The following APBA2 variants were observed in gnomAD, a reference collection of about 807,000 sequenced individuals.
The protein encoded by APBA2 is amyloid-beta A4 precursor protein-binding family A member 2.
Under a neutral mutation model 75.0 loss-of-function variants are expected in APBA2, and 30 were observed. The observed-to-expected ratio is 0.40, with a 90% CI of 0.30 to 0.54. APBA2 has a LOEUF of 0.54. Ranked by LOEUF, APBA2 falls within the 20% of genes least tolerant of loss-of-function variation. APBA2 has a pLI of 0.49. For synonymous variants in APBA2, 444 were observed against 409.6 expected (o/e 1.08, Z -1.01); for missense variants, 801 against 1,016.1 (o/e 0.79, Z 2.88).
At chr15:28,998,825 A>G (rs865878712) in intron 3 of APBA2, among the ~76,000 whole-genome samples, 11 of 152,240 alleles carry the variant, frequency 7.2e-5, no homozygotes, top group Admixed American at 4.6e-4. Flanking sequence ...CCTACCTCAC[A>G]GCACATGTAC....
chr15:28,892,250 G>T (rs551124166), intron 1 of APBA2, among the ~76,000 whole-genome samples: 224 of 152,068 alleles, frequency 1.5e-3, no homozygotes, highest in Admixed American at 2.6e-3. Context: ...AATTTTTTTG[G>T]ATTTTTAGTA....
chr15:28,889,678 T>C (rs2032001682), intron 1 of APBA2, among the ~76,000 whole-genome samples: 1 of 152,216 alleles, frequency 6.6e-6, no homozygotes. Flanking sequence ...TTCCCTCTTA[T>C]TCCTTGGTCC....
chr15:28,894,992 G>C (rs2032380792), intron 1 of APBA2, among the ~76,000 whole-genome samples: 1 of 152,170 alleles, frequency 6.6e-6, no homozygotes, highest in African/African-American at 2.4e-5. Context: ...TCTGTAGGAG[G>C]CGGCTGCTGC....
chr15:29,060,953 G>A (rs2042105521), intron 4 of APBA2, among the ~76,000 whole-genome samples: 1 of 152,120 alleles, frequency 6.6e-6, no homozygotes, highest in African/African-American at 2.4e-5. Flanking sequence ...CTGGTACCTG[G>A]CTCAGTCTCA....
intron 2 of APBA2, among the ~76,000 whole-genome samples, chr15:28,989,726 GC>G (rs1346312202): frequency 2.0e-5 from 3 of 152,208 alleles, no homozygotes; most frequent in African/African-American, 7.2e-5. Flanking sequence ...AGGCAAGCCA[GC>G]AGAGGCGGCC....
rs2045340298 is a variant in APBA2 at position 29,118,299 on chromosome 15, T to TGAA, written c.*1168_*1170dup. On this transcript the variant is annotated 3_prime_UTR_variant, in exon 15 of 15. Transcript: ENST00000683413. ...ACTTCGCGCATATCACTAATAAACC[T>TGAA]GAAGTCGTGATGAAAAGCCGTGTGT... 6.6e-6 allele frequency: 1 copy of TGAA among 152,460 alleles called. No homozygotes were observed. The highest frequency in any genetic ancestry group is 6.5e-5 in the Admixed American group (1 of 15,290). The allele number at this position is 152,460 out of a possible 1,614,324, so 9.4% of individuals were successfully genotyped here. A position where few individuals can be genotyped will look rare whatever the true frequency, so the allele number is the denominator to read the frequency against.
chr15:28,891,160 T>G (rs927306167), intron 1 of APBA2, among the ~76,000 whole-genome samples: 2 of 152,258 alleles, frequency 1.3e-5, no homozygotes, highest in African/African-American at 4.8e-5. Context: ...TGGGCAATTC[T>G]GTGTGTTGAG....
At chr15:28,952,152 G>A (rs764982050) in intron 2 of APBA2, among the ~76,000 whole-genome samples, 2 of 151,964 alleles carry the variant, frequency 1.3e-5, no homozygotes, top group Non-Finnish European at 2.9e-5. Context: ...CCATGACCAC[G>A]TGTCACATAG....
chr15:29,030,182 G>C (rs570138572), intron 3 of APBA2, among the ~76,000 whole-genome samples: 1 of 152,298 alleles, frequency 6.6e-6, no homozygotes, highest in Admixed American at 6.5e-5. Context: ...AAACATGACC[G>C]GGCCCGGTGG....
At chr15:28,996,853 G>A (rs2038553184) in intron 3 of APBA2, among the ~76,000 whole-genome samples, 1 of 152,174 alleles carries the variant, frequency 6.6e-6, no homozygotes. Flanking sequence ...ACCAAGGCAA[G>A]GAACACTTTG....
At chr15:28,987,729 G>T (rs8032000) in intron 2 of APBA2, among the ~76,000 whole-genome samples, 21,278 of 103,282 alleles carry the variant, frequency 0.21, 5,714 homozygotes, top group African/African-American at 0.68. Context: ...TGTGGAGAGA[G>T]ATATATATAT....
rs372298403 is a variant in APBA2 at position 29,114,010 on chromosome 15, C to A, written c.2172C>A (p.Val724=). ...EKIVQALSNS[V]GEIHMKTMPA... is the part of the protein sequence containing the mutation. The stretch of plus-strand genomic sequence containing the variant: ...TAGTCCAAGCTCTGTCCAACTCGGT[C>A]GGAGAGGTAAGGAGGGACTTTGAGT... The change falls in exon 14 of 15, where the codon GTC becomes GTA. Residue 724 remains valine, a synonymous_variant. Coordinates refer to ENST00000683413, the MANE Select transcript of APBA2 (RefSeq NM_001353788.2). The A allele has an allele frequency of 6.2e-7, 1 of 1,613,800 alleles. No individual in the cohort carries two copies. Among genetic ancestry groups the A allele is most frequent in the Non-Finnish European group, 8.5e-7 (1 of 1,180,034 alleles).
intron 2 of APBA2, among the ~76,000 whole-genome samples, chr15:28,926,855 C>CTTTTTTTT (rs201502989): frequency 1.5e-5 from 2 of 136,530 alleles, no homozygotes; most frequent in Admixed American, 7.2e-5. Flanking sequence ...CTCTCTCTCT[C>CTTTTTTTT]TCTTTTTTTT....
intron 6 of APBA2, among the ~76,000 whole-genome samples, chr15:29,082,563 C>A (rs547972437): frequency 5.9e-5 from 9 of 152,244 alleles, no homozygotes; most frequent in African/African-American, 2.2e-4. Flanking sequence ...TTGTATTATT[C>A]TTTACATATA....
chr15:29,075,686 A>G (rs1019313971), intron 5 of APBA2, among the ~76,000 whole-genome samples: 3 of 152,238 alleles, frequency 2.0e-5, no homozygotes, highest in African/African-American at 7.2e-5. Context: ...TTGATGAAAT[A>G]ACGATGGCCA....
At chr15:29,005,536 A>G (rs2039069439) in intron 3 of APBA2, among the ~76,000 whole-genome samples, 2 of 152,202 alleles carry the variant, frequency 1.3e-5, no homozygotes, top group South Asian at 4.1e-4. Flanking sequence ...TGCTGGGATT[A>G]CAGGCGTGAG....
intron 2 of APBA2, among the ~76,000 whole-genome samples, chr15:28,924,793 C>T (rs561341524): frequency 2.0e-5 from 3 of 152,202 alleles, no homozygotes; most frequent in Middle Eastern, 3.4e-3. Flanking sequence ...GGAATTGTTG[C>T]GTTCTGTGGT....
chr15:28,998,534 A>G (rs914694871), intron 3 of APBA2, among the ~76,000 whole-genome samples: 2 of 152,146 alleles, frequency 1.3e-5, no homozygotes, highest in Non-Finnish European at 2.9e-5. Context: ...ATTCCAAGCT[A>G]TGAGACATGA....
At chr15:28,890,357 A>G (rs187241253) in intron 1 of APBA2, among the ~76,000 whole-genome samples, 15 of 152,336 alleles carry the variant, frequency 9.8e-5, no homozygotes, top group South Asian at 2.1e-4. Flanking sequence ...CTGCTGCCAA[A>G]GTCAGCTCTG....
Sources: allele counts gnomAD v4.1 joint callset (sites outside exome capture counted in the v4.1 genomes callset), GRCh38; gene constraint gnomAD v4.1.1; transcripts MANE v1.5; gene names NCBI Gene and HGNC (gene_info 2026-07-23, HGNC 2026-07-21).